The following RANBP2 variants were observed in gnomAD, a reference collection of about 807,000 sequenced individuals.
The protein encoded by RANBP2 is RAN binding protein 2.
Under a neutral mutation model 303.6 loss-of-function variants are expected in RANBP2, and 57 were observed. The ratio of observed to expected loss-of-function variants is 0.19; its 90% CI spans 0.15 to 0.23. RANBP2 has a LOEUF of 0.23. Ranked by LOEUF, RANBP2 falls within the 10% of genes least tolerant of loss-of-function variation. RANBP2 has a pLI of 1.00. For synonymous variants in RANBP2, 1,167 were observed against 1,301.5 expected (o/e 0.90, Z 2.23); for missense variants, 3,138 against 3,780.8 (o/e 0.83, Z 4.46).
At chr2:109,455,297 C>T in the RANBP2 span, among the ~76,000 whole-genome samples, 1 of 152,134 alleles carries the variant, frequency 6.6e-6, no homozygotes, top group Non-Finnish European at 1.5e-5. Context: ...CTTCTGGGTC[C>T]ACATTGGACC....
At chr2:109,590,435 T>TC in the RANBP2 span, among the ~76,000 whole-genome samples, 5 of 150,136 alleles carry the variant, frequency 3.3e-5, no homozygotes, top group Non-Finnish European at 4.5e-5. Context: ...TTTTTTTTTT[T>TC]CCTTTTTTCT....
At chr2:109,485,425 T>C in the RANBP2 span, among the ~76,000 whole-genome samples, 4 of 152,238 alleles carry the variant, frequency 2.6e-5, no homozygotes, top group Non-Finnish European at 5.9e-5. Context: ...CAATTTTCCA[T>C]AACTTTTAAT....
chr2:109,081,486 G>A, the RANBP2 span, among the ~76,000 whole-genome samples: 1 of 152,168 alleles, frequency 6.6e-6, no homozygotes, highest in Non-Finnish European at 1.5e-5. Context: ...TCAATGCTGG[G>A]CTTGAGGTGG....
chr2:109,260,903 T>G, the RANBP2 span, among the ~76,000 whole-genome samples: 1 of 152,170 alleles, frequency 6.6e-6, no homozygotes, highest in African/African-American at 2.4e-5. Flanking sequence ...AACCCCATCC[T>G]GCCTCTGCTG....
the RANBP2 span, among the ~76,000 whole-genome samples, chr2:109,233,683 G>A: frequency 6.6e-6 from 1 of 152,220 alleles, no homozygotes; most frequent in African/African-American, 2.4e-5. Context: ...CACTCAAGAT[G>A]CAGAGCTCTA....
the RANBP2 span, among the ~76,000 whole-genome samples, chr2:108,972,446 A>C: frequency 2.0e-5 from 3 of 152,230 alleles, no homozygotes; most frequent in African/African-American, 7.2e-5. Flanking sequence ...CTTTCATGCC[A>C]ACGTGCCAGA....
the RANBP2 span, among the ~76,000 whole-genome samples, chr2:108,985,998 C>T: frequency 1.2e-4 from 19 of 152,160 alleles, no homozygotes; most frequent in African/African-American, 4.6e-4. Context: ...TGCCAAGACC[C>T]AGGGCAAAGC....
At chr2:109,588,362 A>G in the RANBP2 span, among the ~76,000 whole-genome samples, 1 of 152,226 alleles carries the variant, frequency 6.6e-6, no homozygotes, top group East Asian at 1.9e-4. Flanking sequence ...TTGAAAATAC[A>G]AATGTTTAAA....
chr2:108,878,138 A>G, the RANBP2 span, among the ~76,000 whole-genome samples: 3 of 152,360 alleles, frequency 2.0e-5, no homozygotes, highest in African/African-American at 7.2e-5. Flanking sequence ...AATCAACCTC[A>G]TATCAAAAGC....
chr2:108,779,084 C>T (rs1170416870), intron 25 of RANBP2, among the ~76,000 whole-genome samples: 2 of 152,094 alleles, frequency 1.3e-5, no homozygotes, highest in African/African-American at 2.4e-5. Context: ...TCAGTGGTTA[C>T]TGTTCTCAGG....
chr2:109,728,164 C>G, the RANBP2 span, among the ~76,000 whole-genome samples: 1 of 152,162 alleles, frequency 6.6e-6, no homozygotes, highest in Admixed American at 6.5e-5. Flanking sequence ...GCCCTTGTCA[C>G]ACAACCTCTG....
chr2:109,069,723 CT>C, the RANBP2 span, among the ~76,000 whole-genome samples: 1 of 152,164 alleles, frequency 6.6e-6, no homozygotes, highest in Admixed American at 6.5e-5. Context: ...CAACATAACA[CT>C]TTTTTTCTTC....
the RANBP2 span, among the ~76,000 whole-genome samples, chr2:108,802,907 G>C: frequency 1.3e-5 from 2 of 152,050 alleles, no homozygotes; most frequent in African/African-American, 4.8e-5. Flanking sequence ...TTTGTCTTTG[G>C]CTCTGTTTAT....
chr2:108,901,503 A>G, the RANBP2 span, among the ~76,000 whole-genome samples: 2 of 152,232 alleles, frequency 1.3e-5, no homozygotes, highest in Non-Finnish European at 2.9e-5. Context: ...ATTGAAAACT[A>G]TAAAGTAAAA....
chr2:108,785,727 A>T lies in RANBP2; in HGVS notation c.*1826A>T. 1 of 152,248 alleles carries T rather than the reference A, an allele frequency of 6.6e-6. No homozygotes were observed. Among genetic ancestry groups the T allele is most frequent in the East Asian group, 1.9e-4 (1 of 5,202 alleles). 9.4% of individuals were successfully genotyped at this position (152,248 alleles called of 1,614,324 possible). ...CACTGATGTGGTCTAAACCCACGAT[A>T]ATATGTATCTTTCCTTTTAAACTGG... On this transcript the variant is annotated 3_prime_UTR_variant, in exon 29 of 29. Transcript: ENST00000283195.
chr2:108,961,530 A>G, the RANBP2 span, among the ~76,000 whole-genome samples: 1 of 152,240 alleles, frequency 6.6e-6, no homozygotes, highest in Non-Finnish European at 1.5e-5. Context: ...TGCCTACATC[A>G]GATTTACATG....
At chr2:108,994,219 GGAAGGACC>G in the RANBP2 span, among the ~76,000 whole-genome samples, 1 of 152,154 alleles carries the variant, frequency 6.6e-6, no homozygotes, top group Non-Finnish European at 1.5e-5. Flanking sequence ...GTCACATAAA[GGAAGGACC>G]ATAATGAACC....
chr2:109,492,289 C>T, the RANBP2 span, among the ~76,000 whole-genome samples: 2 of 152,324 alleles, frequency 1.3e-5, no homozygotes, highest in Middle Eastern at 3.4e-3. Context: ...TAGCCGCAGG[C>T]GCAGTTTGCC....
chr2:109,130,033 GT>G, the RANBP2 span: 5 of 1,352,748 alleles, frequency 3.7e-6, no homozygotes, highest in Non-Finnish European at 4.7e-6. Flanking sequence ...GGGTTCCCCG[GT>G]TTTCCTCTCC....
Sources: gnomAD v4.1 joint callset for allele counts (sites outside exome capture counted in the v4.1 genomes callset) on GRCh38, gnomAD v4.1.1 for gene constraint, MANE v1.5 for transcripts, NCBI Gene and HGNC (gene_info 2026-07-23, HGNC 2026-07-21) for gene names.